Variants in PCDH11X observed in about 807,000 individuals in gnomAD.
PCDH11X encodes the protein protocadherin 11 X-linked.
A neutral mutation model predicts 53.3 loss-of-function variants in PCDH11X; 18 were observed. The ratio of observed to expected loss-of-function variants is 0.34; its 90% CI spans 0.23 to 0.50. The LOEUF (loss-of-function observed/expected upper bound fraction) is 0.50. Ranked by LOEUF, PCDH11X falls within the 20% of genes least tolerant of loss-of-function variation. The probability of loss-of-function intolerance (pLI) is 0.98; values close to 1 mark genes in which losing one functional copy is unlikely to be tolerated. For missense variants in PCDH11X, 570 were observed against 1,032.4 expected (o/e 0.55, Z 6.14); for synonymous variants, 279 against 393.3 (o/e 0.71, Z 3.44).
chrX:92,170,651 G>A (rs1430855314), intron 6 of PCDH11X, among the ~76,000 whole-genome samples: 2 of 109,352 alleles, frequency 1.8e-5, no homozygotes, highest in Non-Finnish European at 3.8e-5. Flanking sequence ...AGGTTGGAGT[G>A]CAGTGGTGCA....
intron 6 of PCDH11X, among the ~76,000 whole-genome samples, chrX:92,012,918 A>C (rs1402823738): frequency 8.9e-6 from 1 of 111,836 alleles, no homozygotes; most frequent in African/African-American, 3.2e-5. Flanking sequence ...TGCGTCAGCC[A>C]ATATCATACT....
At chrX:92,546,215 A>G (rs1220391882) in intron 10 of PCDH11X, among the ~76,000 whole-genome samples, 1 of 111,023 alleles carries the variant, frequency 9.0e-6, no homozygotes, top group Non-Finnish European at 1.9e-5. Flanking sequence ...AGCAGATGTG[A>G]CTTACCCACA....
chrX:91,794,455 G>A lies in PCDH11X; in HGVS notation c.-379+14771G>A, dbSNP rs182879196. Among the ~76,000 whole-genome samples the A allele has an allele frequency of 9.8e-5, 11 of 111,719 alleles. No individual in the cohort carries two copies. In the East Asian group the frequency reaches 2.8e-3, roughly 29 times the overall value. ...TAGTGATTTGAGATTTTTAATAAAGGAAGGAAAAGAAAGGAAATGTTTCTC... is the reference window on the plus strand; with the variant it reads ...TAGTGATTTGAGATTTTTAATAAAGAAAGGAAAAGAAAGGAAATGTTTCTC... On this transcript the variant is annotated intron_variant, in intron 1 of 10. Transcript: ENST00000682573.
At chrX:92,449,576 G>T (rs1033288874) in intron 9 of PCDH11X, among the ~76,000 whole-genome samples, 10 of 111,786 alleles carry the variant, frequency 8.9e-5, no homozygotes, top group African/African-American at 3.3e-4. Flanking sequence ...GAGAAGGATA[G>T]ATTATTTGCA....
At chrX:92,472,162 T>A (rs1206296401) in intron 10 of PCDH11X, among the ~76,000 whole-genome samples, 3 of 110,322 alleles carry the variant, frequency 2.7e-5, no homozygotes, top group Non-Finnish European at 5.7e-5. Context: ...GAATTTTTTT[T>A]ATGAAACTTT....
At chrX:92,289,486 TATAA>T (rs2068449647) in intron 8 of PCDH11X, among the ~76,000 whole-genome samples, 1 of 111,995 alleles carries the variant, frequency 8.9e-6, no homozygotes, top group African/African-American at 3.2e-5. Context: ...AGCTTTCACT[TATAA>T]ATGAGTACTT....
At chrX:92,083,938 A>G (rs141541800) in intron 6 of PCDH11X, among the ~76,000 whole-genome samples, 2,177 of 109,828 alleles carry the variant, frequency 0.02, 57 homozygotes, top group African/African-American at 0.068. Context: ...AAATACAAAA[A>G]TTAGCCGGGT....
At chrX:91,818,698 C>CAAA (rs71845262) in intron 4 of PCDH11X, among the ~76,000 whole-genome samples, 2 of 96,145 alleles carry the variant, frequency 2.1e-5, no homozygotes, top group African/African-American at 7.3e-5. Context: ...GACTCTATCT[C>CAAA]AAAAAAAAAA....
chrX:92,207,342 TC>T (rs2066493558), intron 7 of PCDH11X, among the ~76,000 whole-genome samples: 1 of 111,597 alleles, frequency 9.0e-6, no homozygotes, highest in Non-Finnish European at 1.9e-5. Flanking sequence ...TTTGATCGTT[TC>T]CCCTTCCACA....
intron 6 of PCDH11X, among the ~76,000 whole-genome samples, chrX:92,120,489 TAAAC>T (rs1448629156): frequency 1.8e-5 from 2 of 113,038 alleles, no homozygotes; most frequent in Non-Finnish European, 3.7e-5. Context: ...GATGCGAAGG[TAAAC>T]AAAGAGATAA....
chrX:92,470,565 G>T (rs1311447312), intron 10 of PCDH11X, among the ~76,000 whole-genome samples: 1 of 110,625 alleles, frequency 9.0e-6, no homozygotes, highest in Admixed American at 9.7e-5. Context: ...TCCCCATTCA[G>T]TATGATACTA....
At chrX:92,383,132 A>G (rs1215306404) in intron 8 of PCDH11X, among the ~76,000 whole-genome samples, 11 of 108,997 alleles carry the variant, frequency 1.0e-4, no homozygotes, top group African/African-American at 3.0e-4. Flanking sequence ...CATATTGTCT[A>G]TGGCTGTTTT....
chrX:92,014,857 G>A (rs1011882045), intron 6 of PCDH11X, among the ~76,000 whole-genome samples: 1 of 110,726 alleles, frequency 9.0e-6, no homozygotes, highest in Non-Finnish European at 1.9e-5. Context: ...GGCACAGGAA[G>A]TGGAACATCA....
intron 8 of PCDH11X, among the ~76,000 whole-genome samples, chrX:92,273,569 G>C (rs1183141185): frequency 9.1e-6 from 1 of 110,425 alleles, no homozygotes; most frequent in Non-Finnish European, 1.9e-5. Context: ...TTGGGGCGGT[G>C]AAAATTTTTG....
chrX:92,040,768 G>A (rs1199909251), intron 6 of PCDH11X, among the ~76,000 whole-genome samples: 1 of 106,132 alleles, frequency 9.4e-6, no homozygotes, highest in East Asian at 3.0e-4. Context: ...TTTTCTCTGG[G>A]GTGGGACAGA....
At chrX:92,579,645 T>C (rs1201636367) in intron 10 of PCDH11X, among the ~76,000 whole-genome samples, 1 of 111,107 alleles carries the variant, frequency 9.0e-6, no homozygotes, top group Non-Finnish European at 1.9e-5. Flanking sequence ...GCTCCTGGAA[T>C]GTTTTATCGT....
At chrX:91,919,169 G>A (rs1403233182) in intron 6 of PCDH11X, among the ~76,000 whole-genome samples, 3 of 111,508 alleles carry the variant, frequency 2.7e-5, no homozygotes, top group African/African-American at 9.7e-5. Flanking sequence ...ATAATGAGCT[G>A]TTTGTTTCTA....
At chrX:92,307,809 A>T (rs1290393697) in intron 8 of PCDH11X, among the ~76,000 whole-genome samples, 1 of 105,000 alleles carries the variant, frequency 9.5e-6, no homozygotes, top group Non-Finnish European at 1.9e-5. Flanking sequence ...GTAATACATT[A>T]CAAGTAAAGT....
At chrX:92,227,907 A>G (rs1372512425) in intron 7 of PCDH11X, among the ~76,000 whole-genome samples, 2 of 111,389 alleles carry the variant, frequency 1.8e-5, no homozygotes, top group Non-Finnish European at 3.8e-5. Context: ...GAAAAAGACT[A>G]TATCTTTGAA....
Sources: allele counts gnomAD v4.1 joint callset (sites outside exome capture counted in the v4.1 genomes callset), GRCh38; gene constraint gnomAD v4.1.1; transcripts MANE v1.5; gene names NCBI Gene and HGNC (gene_info 2026-07-23, HGNC 2026-07-21).